Variants in DDHD2 observed in about 807,000 individuals in gnomAD.
The protein encoded by DDHD2 is triacylglycerol hydrolase DDHD2.
A neutral mutation model predicts 91.2 loss-of-function variants in DDHD2; 62 were observed. The observed-to-expected ratio is 0.68, with a 90% CI of 0.55 to 0.84. The LOEUF (loss-of-function observed/expected upper bound fraction) is 0.84, where lower values mean the gene tolerates loss of function less well. DDHD2 is among the 40% of genes least tolerant of loss of function. The probability of loss-of-function intolerance (pLI) is 0.00; values close to 1 mark genes in which losing one functional copy is unlikely to be tolerated. For missense variants in DDHD2, 740 were observed against 846.9 expected (o/e 0.87, Z 1.57); for synonymous variants, 271 against 293.9 (o/e 0.92, Z 0.80).
chr8:38,265,051 G>C (rs767044880), downstream of DDHD2: 5 of 799,218 alleles, frequency 6.3e-6, no homozygotes, highest in Non-Finnish European at 1.1e-5. Context: ...GATGGATCCC[G>C]AGGTCAGGAG....
At chr8:38,248,338 T>A (rs540213503) in intron 10 of DDHD2, among the ~76,000 whole-genome samples, 20 of 149,350 alleles carry the variant, frequency 1.3e-4, no homozygotes, top group Admixed American at 4.0e-4. Flanking sequence ...TGGGATTACA[T>A]GTGTGAGCCA....
At chr8:38,272,530 C>G (rs975994966), downstream of DDHD2, 8 of 152,432 alleles carry the variant, frequency 5.2e-5, no homozygotes, top group East Asian at 1.5e-3. Flanking sequence ...TCCAGCCCCT[C>G]CCTCCCCTGC....
chr8:38,263,745 T>C (rs1807216093), downstream of DDHD2: 1 of 985,292 alleles, frequency 1.0e-6, no homozygotes, highest in African/African-American at 1.7e-5. Flanking sequence ...TTTTGAGCTA[T>C]ATGAAATGGA....
At chr8:38,237,996 GT>G (rs1446592211) in intron 4 of DDHD2, 92 bp from the exon 5 acceptor site, 5 of 1,309,290 alleles carry the variant, frequency 3.8e-6, no homozygotes, top group Non-Finnish European at 5.2e-6. Context: ...TTACTGTGTG[GT>G]TTGAAAGACA....
chr8:38,263,791 C>T, downstream of DDHD2: 1 of 985,298 alleles, frequency 1.0e-6, no homozygotes, highest in Non-Finnish European at 1.2e-6. Context: ...GCTTCTGAGA[C>T]AAGGTGGGGC....
At chr8:38,244,799 C>T (rs1438000220) in intron 7 of DDHD2, among the ~76,000 whole-genome samples, 2 of 151,566 alleles carry the variant, frequency 1.3e-5, no homozygotes, top group East Asian at 1.9e-4. Flanking sequence ...CTTTGGACCT[C>T]GTGATCTGCC....
intron 1 of DDHD2, chr8:38,268,125 A>C: frequency 7.0e-7 from 1 of 1,431,534 alleles, no homozygotes. Flanking sequence ...GTAGCCGAGA[A>C]CTTTTGTACT....
At chr8:38,236,391 G>A (rs1312043386) in intron 3 of DDHD2, among the ~76,000 whole-genome samples, 1 of 150,308 alleles carries the variant, frequency 6.7e-6, no homozygotes, top group Non-Finnish European at 1.5e-5. Flanking sequence ...GTCTCACTCT[G>A]TTGCCCAGGC....
intron 1 of DDHD2, 87 bp downstream of exon 1, chr8:38,231,946 G>C: frequency 6.5e-6 from 1 of 153,238 alleles, no homozygotes; most frequent in East Asian, 1.9e-4. Context: ...CCGGGATGCG[G>C]GGCGGGGGAA....
downstream of DDHD2, chr8:38,266,295 C>G (rs937649824): frequency 6.2e-7 from 1 of 1,612,712 alleles, no homozygotes; most frequent in Non-Finnish European, 8.5e-7. Context: ...ACGCAAAGGC[C>G]AGACCAGCAA....
chr8:38,260,303 T>TG (rs1806898818), intron 17 of DDHD2, 156 bp downstream of exon 17: 4 of 499,326 alleles, frequency 8.0e-6, no homozygotes, highest in African/African-American at 7.6e-5. Flanking sequence ...TAGAAATTCA[T>TG]GGGGAAAAAA....
intron 1 of DDHD2, among the ~76,000 whole-genome samples, chr8:38,232,724 A>G (rs1263122281): frequency 6.6e-6 from 1 of 152,198 alleles, no homozygotes. Context: ...GGTTTGTTTT[A>G]TAACTTATGG....
intron 3 of DDHD2, 150 bp from the exon 4 acceptor site, chr8:38,237,388 C>A: frequency 2.0e-6 from 1 of 489,638 alleles, no homozygotes; most frequent in South Asian, 2.2e-5. Flanking sequence ...AAACAAACAA[C>A]AACAACAACA....
chr8:38,246,151 T>C (rs1805617925), intron 8 of DDHD2, 82 bp from the exon 9 acceptor site: 2 of 1,158,370 alleles, frequency 1.7e-6, no homozygotes, highest in Non-Finnish European at 2.6e-6. Flanking sequence ...ACATATGTAA[T>C]TGGCTTATGC....
intron 5 of DDHD2, chr8:38,238,480 C>A: frequency 8.8e-7 from 1 of 1,141,362 alleles, no homozygotes; most frequent in Admixed American, 4.7e-5. Context: ...AGTCCTAATT[C>A]CAAGAAGTGT....
At chr8:38,263,686 G>C (rs1807212282), downstream of DDHD2, 1 of 985,116 alleles carries the variant, frequency 1.0e-6, no homozygotes. Flanking sequence ...CATCAGAGAA[G>C]GTAAACAGAA....
Position 38,257,699 on chromosome 8 carries a change from C to CT in DDHD2, c.2055-2340dup, listed in dbSNP as rs1400586607. Among the ~76,000 whole-genome samples, 3 of 141,418 alleles carry CT rather than the reference C, an allele frequency of 2.1e-5. No homozygotes were observed. In the East Asian group the frequency reaches 6.3e-4, roughly 30 times the overall value. The allele number at this position is 141,418 out of a possible 152,430, so 92.8% of individuals were successfully genotyped here. ...TTTTTTTTTGAGATGGAATCTCACC[C>CT]TGTTGCCCAGGCCAGAGTGCAATGG... On this transcript the variant is annotated intron_variant, in intron 16 of 17. Coordinates refer to ENST00000397166, the MANE Select transcript of DDHD2 (RefSeq NM_015214.3).
chr8:38,268,250 T>G, intron 1 of DDHD2: 1 of 1,088,692 alleles, frequency 9.2e-7, no homozygotes, highest in South Asian at 1.5e-5. Flanking sequence ...CCCGCGGGGA[T>G]AGAGTTCCTT....
chr8:38,265,284 AG>A (rs1409013406), downstream of DDHD2, among the ~76,000 whole-genome samples: 7 of 151,066 alleles, frequency 4.6e-5, no homozygotes, highest in Non-Finnish European at 1.0e-4. Context: ...AAAAAAAAAA[AG>A]AGTTGCTTCT....
Sources: gnomAD v4.1 joint callset for allele counts (sites outside exome capture counted in the v4.1 genomes callset) on GRCh38, gnomAD v4.1.1 for gene constraint, MANE v1.5 for transcripts, NCBI Gene and HGNC (gene_info 2026-07-23, HGNC 2026-07-21) for gene names.